SCN9A: variants seen among roughly 807,000 people sequenced by gnomAD.
SCN9A encodes sodium channel protein type 9 subunit alpha.
SCN9A carries 131 observed loss-of-function variants against 187.0 expected under a neutral mutation model. That is an observed-to-expected ratio of 0.70 (90% CI 0.61 to 0.81). The LOEUF is 0.81. SCN9A is among the 30% of genes least tolerant of loss of function. The pLI is 0.00. For synonymous variants in SCN9A, 809 were observed against 808.6 expected, an observed-to-expected ratio of 1.00 and a Z score of -0.01; for missense variants, 2,252 against 2,396.6, an observed-to-expected ratio of 0.94 and a Z score of 1.26.
At chr2:166,209,142 G>A (rs1404455813) in intron 24 of SCN9A, among the ~76,000 whole-genome samples, 2 of 152,174 alleles carry the variant, frequency 1.3e-5, no homozygotes, top group African/African-American at 4.8e-5. Context: ...ACTGGCAAAG[G>A]TCTTGCCCTG....
rs201067234 is a variant in SCN9A at position 166,204,028 on chromosome 2, G to A, written c.4701C>T (p.Ile1567=). The A allele has an allele frequency of 1.9e-6, 3 of 1,608,316 alleles. No individual in the cohort carries two copies. Among genetic ancestry groups the A allele is most frequent in the Non-Finnish European group, 2.6e-6 (3 of 1,175,322 alleles). Residue 1567 remains isoleucine (I), a synonymous_variant, in exon 26 of 27, where the codon ATC becomes ATT. Coordinates refer to ENST00000642356, the MANE Select transcript of SCN9A (RefSeq NM_001365536.1). ...CAGTGAAGTAGTAGTGTCTGAGGGA[G>A]ATCAGTTTTAGCACACATTCTCCAG... ...LFTGECVLKL[I]SLRHYYFTVG...
At chr2:166,206,018 A>C (rs147390629) in intron 24 of SCN9A, among the ~76,000 whole-genome samples, 12,989 of 152,140 alleles carry the variant, frequency 0.085, 626 homozygotes, top group Middle Eastern at 0.22. Context: ...GAAACAACAG[A>C]TGTTGGAGAG....
At chr2:166,265,299 A>G (rs1696686171) in intron 17 of SCN9A, among the ~76,000 whole-genome samples, 1 of 151,878 alleles carries the variant, frequency 6.6e-6, no homozygotes, top group East Asian at 1.9e-4. Flanking sequence ...TATGTGTGAG[A>G]TATTTGACTT....
Position 166,311,716 on chromosome 2 carries a change from T to G in SCN9A, c.41A>C (p.His14Pro), listed in dbSNP as rs201000497. The G allele has an allele frequency of 1.1e-5, 18 of 1,611,272 alleles. No homozygotes were observed. The highest frequency in any genetic ancestry group is 1.3e-5 in the Non-Finnish European group (15 of 1,178,100). ...LPPPGPQSFV[H>P]FTKQSLALIE... ...GAGGGCAAGAGACTGTTTTGTGAAA[T>G]GGACAAAGCTCTGAGGTCCTGGGGG... Residue 14 changes from histidine to proline, a missense_variant, in exon 2 of 27, where the codon CAT becomes CCT. Around this residue, in one of 7 missense-constraint regions of SCN9A, gnomAD observed 1,013 missense variants for 997.4 expected, o/e 1.02. Coordinates refer to ENST00000642356, the MANE Select transcript of SCN9A (RefSeq NM_001365536.1).
Position 166,198,470 on chromosome 2 carries a change from T to C in SCN9A, c.*202A>G, listed in dbSNP as rs1574689380. 13 of 543,462 alleles carry C rather than the reference T, an allele frequency of 2.4e-5. No individual in the cohort carries two copies. The highest frequency in any genetic ancestry group is 3.6e-5 in the Non-Finnish European group (11 of 309,154). 33.7% of individuals were successfully genotyped at this position (543,462 alleles called of 1,614,324 possible). A position where few individuals can be genotyped will look rare whatever the true frequency, so the allele number is the denominator to read the frequency against. ...ATCAATAATTCCTACAGAGTTCTCT[T>C]ACGATTCTTAAAGAATCATCAGTGC... On this transcript the variant is annotated 3_prime_UTR_variant, in exon 27 of 27. Transcript: ENST00000642356.
chr2:166,273,019 A>T (rs1697072253), intron 16 of SCN9A, 144 bp from the exon 17 acceptor site: 1 of 446,048 alleles, frequency 2.2e-6, no homozygotes. Flanking sequence ...CACGGATAAG[A>T]CCACATGAGA....
intron 1 of SCN9A, among the ~76,000 whole-genome samples, chr2:166,374,485 A>T (rs552419780): frequency 1.3e-4 from 20 of 152,310 alleles, no homozygotes; most frequent in South Asian, 2.1e-4. Context: ...AATAATTTTT[A>T]AAAAATCTCA....
chr2:166,217,339 A>G (rs79243856), intron 24 of SCN9A, among the ~76,000 whole-genome samples: 320 of 152,236 alleles, frequency 2.1e-3, no homozygotes, highest in African/African-American at 7.4e-3. Context: ...ACAGGTAACA[A>G]AAGACAATAA....
intron 1 of SCN9A, among the ~76,000 whole-genome samples, chr2:166,364,287 T>G (rs1404716254): frequency 6.6e-6 from 1 of 152,082 alleles, no homozygotes; most frequent in East Asian, 1.9e-4. Context: ...CTCAAAAAAT[T>G]AAACAGAAAT....
Position 166,228,834 on chromosome 2 carries a change from C to G in SCN9A, c.4063G>C (p.Asp1355His), listed in dbSNP as rs1458573948. Residue 1355 changes from aspartate to histidine, a missense_variant, in exon 22 of 27, where the codon GAT becomes CAT. Asp to His is a moderately conservative substitution (Grantham distance 81). This residue lies in a region of SCN9A where 368 missense variants were observed against 408.6 expected (regional missense o/e 0.90). Transcript: ENST00000642356. ...TGACTTGCAGGAAACCGTGACCCAT[C>G]TGTGGTGTTAATACACTCATAGAAC... is the stretch of plus-strand genomic sequence containing the variant. ...GKFYECINTT[D>H]GSRFPASQVP... 6.2e-7 allele frequency: 1 copy of G among 1,613,848 alleles called. No individual in the cohort carries two copies. Among genetic ancestry groups the G allele is most frequent in the East Asian group, 2.2e-5 (1 of 44,882 alleles).
intron 15 of SCN9A, among the ~76,000 whole-genome samples, 189 bp from the exon 16 acceptor site, chr2:166,277,528 A>G (rs924626025): frequency 7.2e-5 from 11 of 152,160 alleles, no homozygotes; most frequent in African/African-American, 2.7e-4. Context: ...TCCACTTGCC[A>G]CAAAAAATTA....
chr2:166,303,126 T>G lies in SCN9A; in HGVS notation c.865A>C (p.Ile289Leu). ...TCTTCACTCTCTAGGGTATTCATTATGCTTTCTAATGTTTCATTATTTTCA... is the reference window on the plus strand; with the variant it reads ...TCTTCACTCTCTAGGGTATTCATTAGGCTTTCTAATGTTTCATTATTTTCA... ...SLENNETLES[I>L]MNTLESEEDF... Residue 289 changes from isoleucine (I) to leucine (L), a missense_variant, in exon 7 of 27, where the codon ATA becomes CTA. Physicochemically the swap from Ile to Leu is conservative, Grantham distance 5. Coordinates refer to ENST00000642356, the MANE Select transcript of SCN9A (RefSeq NM_001365536.1). 6.2e-7 allele frequency: 1 copy of G among 1,608,828 alleles called. No individual in the cohort carries two copies. The highest frequency in any genetic ancestry group is 8.5e-7 in the Non-Finnish European group (1 of 1,176,680).
At chr2:166,221,453 T>C (rs2106375093) in intron 24 of SCN9A, among the ~76,000 whole-genome samples, 1 of 152,250 alleles carries the variant, frequency 6.6e-6, no homozygotes. Flanking sequence ...CAGGCCAGAG[T>C]GCAGTGGCAT....
At chr2:166,357,230 C>T (rs895719663) in intron 1 of SCN9A, among the ~76,000 whole-genome samples, 6 of 152,240 alleles carry the variant, frequency 3.9e-5, no homozygotes, top group African/African-American at 9.6e-5. Context: ...TTTCACAGTA[C>T]GGTATTTTAT....
intron 7 of SCN9A, among the ~76,000 whole-genome samples, chr2:166,298,122 C>T (rs1698399374): frequency 6.6e-6 from 1 of 152,026 alleles, no homozygotes; most frequent in Non-Finnish European, 1.5e-5. Context: ...CAGGACTGGG[C>T]AGAGGGCCTG....
chr2:166,228,981 C>T lies in SCN9A; in HGVS notation c.3925-9G>A, dbSNP rs767209028. The T allele has an allele frequency of 1.9e-6, 3 of 1,599,584 alleles. No homozygotes were observed. The South Asian group carries it at 3.4e-5, about 18-fold the overall frequency. ...AGTGCATTCACAACGACCTAGTATTCAAAAGAAAGAAAAGCATGATTAGGA... is the reference window on the plus strand; with the variant it reads ...AGTGCATTCACAACGACCTAGTATTTAAAAGAAAGAAAAGCATGATTAGGA... On this transcript the variant is annotated splice_polypyrimidine_tract_variant and intron_variant, in intron 21 of 26. Transcript: ENST00000642356.
chr2:166,349,243 A>G (rs956067594), intron 1 of SCN9A, among the ~76,000 whole-genome samples: 3 of 152,178 alleles, frequency 2.0e-5, no homozygotes, highest in African/African-American at 7.2e-5. Context: ...TATTTAGCCC[A>G]ATGGGGTACA....
chr2:166,332,961 A>C (rs1160759951), intron 1 of SCN9A, among the ~76,000 whole-genome samples: 1 of 150,892 alleles, frequency 6.6e-6, no homozygotes, highest in East Asian at 1.9e-4. Context: ...ATTATATTTT[A>C]TTATATTTCA....
intron 14 of SCN9A, 102 bp from the exon 15 acceptor site, chr2:166,278,415 GTTTGCTAAATACTTTA>G: frequency 1.0e-6 from 1 of 971,630 alleles, no homozygotes; most frequent in Non-Finnish European, 1.5e-6. Context: ...GTTCCAGACA[GTTTGCTAAATACTTTA>G]TAAATGGATA....
Sources: allele counts gnomAD v4.1 joint callset (sites outside exome capture counted in the v4.1 genomes callset), GRCh38; gene constraint gnomAD v4.1.1; regional missense constraint gnomAD v4.1.1; transcripts MANE v1.5; gene names NCBI Gene and HGNC (gene_info 2026-07-23, HGNC 2026-07-21).